Variants in PBX1 observed in about 807,000 individuals in gnomAD.
PBX1 encodes PBX homeobox 1, also known as pre-B-cell leukemia transcription factor 1.
PBX1 carries 6 observed loss-of-function variants against 53.4 expected under a neutral mutation model. The observed-to-expected ratio is 0.11, with a 90% CI of 0.06 to 0.22. The LOEUF is 0.22. Ranked by LOEUF, PBX1 falls within the 10% of genes least tolerant of loss-of-function variation. The probability of loss-of-function intolerance (pLI) is 1.00; values close to 1 mark genes in which losing one functional copy is unlikely to be tolerated. For missense variants in PBX1, 251 were observed against 551.4 expected, an observed-to-expected ratio of 0.46 and a Z score of 5.46; for synonymous variants, 204 against 212.3, an observed-to-expected ratio of 0.96 and a Z score of 0.34.
intron 2 of PBX1, among the ~76,000 whole-genome samples, chr1:164,631,982 C>T (rs1285002008): frequency 1.3e-5 from 2 of 152,186 alleles, no homozygotes; most frequent in Non-Finnish European, 2.9e-5. Flanking sequence ...GGCCATCAGC[C>T]GTAGAGAGGC....
At chr1:164,818,590 T>C (rs1669987940) in intron 6 of PBX1, 1 of 152,010 alleles carries the variant, frequency 6.6e-6, no homozygotes, top group Non-Finnish European at 1.5e-5. Context: ...CTAGGTTTTT[T>C]TTGCATGCAA....
chr1:164,652,122 A>G (rs1194060830), intron 2 of PBX1: 2 of 152,040 alleles, frequency 1.3e-5, no homozygotes, highest in Non-Finnish European at 2.9e-5. Context: ...CAGTGGCACA[A>G]TCTCAGCTCA....
At chr1:164,610,494 A>G (rs1656836663) in intron 2 of PBX1, among the ~76,000 whole-genome samples, 1 of 152,138 alleles carries the variant, frequency 6.6e-6, no homozygotes, top group Non-Finnish European at 1.5e-5. Context: ...CTTAATTGTT[A>G]GTGAATTAAG....
At chr1:164,803,128 C>G (rs1334984506) in intron 4 of PBX1, among the ~76,000 whole-genome samples, 3 of 152,188 alleles carry the variant, frequency 2.0e-5, no homozygotes, top group Non-Finnish European at 2.9e-5. Flanking sequence ...CTTAGATTTA[C>G]TGGCTTATCT....
chr1:164,832,072 G>A (rs770693623), intron 8 of PBX1, among the ~76,000 whole-genome samples: 3 of 152,150 alleles, frequency 2.0e-5, no homozygotes, highest in Non-Finnish European at 4.4e-5. Context: ...GAATTATAGT[G>A]TGATTACCTC....
intron 5 of PBX1, among the ~76,000 whole-genome samples, chr1:164,811,670 A>G (rs1669619515): frequency 6.6e-6 from 1 of 152,262 alleles, no homozygotes; most frequent in Admixed American, 6.5e-5. Flanking sequence ...TTTTAGTGTC[A>G]TAACTGAAGA....
At chr1:164,843,129 C>G (rs1322392575) in intron 8 of PBX1, among the ~76,000 whole-genome samples, 1 of 152,122 alleles carries the variant, frequency 6.6e-6, no homozygotes, top group Middle Eastern at 3.2e-3. Flanking sequence ...AATGATACAG[C>G]TGAAGCAGCC....
In PBX1 at chr1:164,870,341, CTTTCTTTCTTTCTTT is replaced by C. The variant is rs1558053854; in HGVS notation, n.258-28846_258-28832del. Among the ~76,000 whole-genome samples the C allele has an allele frequency of 7.2e-3, 749 of 103,958 alleles. 58 individuals are homozygous for C. The highest frequency in any genetic ancestry group is 0.012 in the South Asian group (36 of 3,040). 68.2% of individuals were successfully genotyped at this position (103,958 alleles called of 152,430 possible). ...TCTTTCTTTCTTTCTTTCTTTCTTTCTTTCTTTCTTTCTTTCTTTCGAGATGAAGTCTTGCTCTGT... is the reference window on the plus strand; with the variant it reads ...TCTTTCTTTCTTTCTTTCTTTCTTTCCTTTCGAGATGAAGTCTTGCTCTGT... On this transcript the variant is annotated intron_variant and non_coding_transcript_variant, in intron 2 of 2. Transcript: ENST00000558796.
chr1:164,795,798 A>G (rs1668755958), intron 3 of PBX1, among the ~76,000 whole-genome samples: 1 of 152,156 alleles, frequency 6.6e-6, no homozygotes, highest in South Asian at 2.1e-4. Context: ...GTCAAGTGAA[A>G]ATGTCAGTAT....
chr1:164,790,314 G>A (rs1668431788), intron 2 of PBX1, among the ~76,000 whole-genome samples: 1 of 152,264 alleles, frequency 6.6e-6, no homozygotes, highest in South Asian at 2.1e-4. Flanking sequence ...AGTCTCCTGA[G>A]CCTACAAAGG....
At chr1:164,760,583 A>T (rs181954113) in intron 2 of PBX1, among the ~76,000 whole-genome samples, 11 of 152,264 alleles carry the variant, frequency 7.2e-5, no homozygotes, top group Admixed American at 6.5e-4. Flanking sequence ...ATAAAAAACA[A>T]AACAAAATTT....
chr1:164,562,628 A>G (rs183294773), intron 1 of PBX1, among the ~76,000 whole-genome samples: 11 of 152,372 alleles, frequency 7.2e-5, no homozygotes, highest in East Asian at 3.9e-4. Flanking sequence ...ATGTGAACAC[A>G]GAGAAATGAA....
intron 2 of PBX1, among the ~76,000 whole-genome samples, chr1:164,651,315 A>G (rs1439658951): frequency 6.6e-6 from 1 of 151,802 alleles, no homozygotes; most frequent in African/African-American, 2.4e-5. Flanking sequence ...GTCGGTTTGC[A>G]TTGTGCGGAC....
At chr1:164,691,011 C>CTTT (rs386368555) in intron 2 of PBX1, among the ~76,000 whole-genome samples, 1,358 of 106,414 alleles carry the variant, frequency 0.013, 52 homozygotes, top group Middle Eastern at 0.027. Context: ...GTTGTTAAAT[C>CTTT]TTTTTTTTTT....
intron 7 of PBX1, among the ~76,000 whole-genome samples, chr1:164,821,220 C>T (rs1379821732): frequency 6.6e-6 from 1 of 152,124 alleles, no homozygotes; most frequent in Non-Finnish European, 1.5e-5. Context: ...AAAGAAAATT[C>T]CTTCATGCTT....
chr1:164,708,698 G>A (rs1044022904), intron 2 of PBX1, among the ~76,000 whole-genome samples: 5 of 152,170 alleles, frequency 3.3e-5, no homozygotes, highest in Admixed American at 6.5e-5. Context: ...ATGGCCTCCG[G>A]CTGCATCCAT....
intron 2 of PBX1, among the ~76,000 whole-genome samples, chr1:164,874,033 T>G (rs955737726): frequency 6.7e-6 from 1 of 148,710 alleles, no homozygotes; most frequent in Non-Finnish European, 1.5e-5. Flanking sequence ...AAAAGAGGCA[T>G]GAAAGGAGAG....
intron 2 of PBX1, among the ~76,000 whole-genome samples, chr1:164,735,444 G>A (rs1437022870): frequency 6.6e-6 from 1 of 152,096 alleles, no homozygotes; most frequent in African/African-American, 2.4e-5. Context: ...GATGATAGTG[G>A]GAACAAAGCT....
At chr1:164,734,299 C>T (rs1665155538) in intron 2 of PBX1, among the ~76,000 whole-genome samples, 1 of 152,062 alleles carries the variant, frequency 6.6e-6, no homozygotes, top group Admixed American at 6.6e-5. Flanking sequence ...ACAATGAACC[C>T]GAATCAACTT....
Sources: gnomAD v4.1 joint callset for allele counts (sites outside exome capture counted in the v4.1 genomes callset) on GRCh38, gnomAD v4.1.1 for gene constraint, MANE v1.5 for transcripts, NCBI Gene and HGNC (gene_info 2026-07-23, HGNC 2026-07-21) for gene names.